Variants in ENTREP2 observed in about 807,000 individuals in gnomAD.
ENTREP2 encodes protein ENTREP2.
the ENTREP2 span, among the ~76,000 whole-genome samples, chr15:29,656,820 C>T: frequency 3.9e-5 from 6 of 152,106 alleles, no homozygotes; most frequent in Admixed American, 6.6e-5. Context: ...ATGTACTTAC[C>T]CTATGACCCT....
the ENTREP2 span, among the ~76,000 whole-genome samples, chr15:29,231,639 C>G: frequency 3.3e-5 from 5 of 151,970 alleles, no homozygotes; most frequent in African/African-American, 1.2e-4. Context: ...TAGTTATAAA[C>G]AGTAGTCTAA....
the ENTREP2 span, among the ~76,000 whole-genome samples, chr15:29,600,199 T>G: frequency 1.8e-4 from 28 of 152,246 alleles, no homozygotes; most frequent in East Asian, 3.3e-3. Flanking sequence ...AAACACTTTT[T>G]AGGCACACAC....
the ENTREP2 span, among the ~76,000 whole-genome samples, chr15:29,396,352 G>C: frequency 1.3e-5 from 2 of 151,360 alleles, no homozygotes; most frequent in Non-Finnish European, 2.9e-5. Context: ...GGACAAGTGA[G>C]ATTATTCAGT....
At chr15:29,604,914 C>T in the ENTREP2 span, among the ~76,000 whole-genome samples, 1 of 152,114 alleles carries the variant, frequency 6.6e-6, no homozygotes, top group Non-Finnish European at 1.5e-5. Context: ...AAGGTGGGCA[C>T]CTGCAGGTGG....
At chr15:29,329,970 G>A in the ENTREP2 span, among the ~76,000 whole-genome samples, 2 of 152,170 alleles carry the variant, frequency 1.3e-5, no homozygotes, top group Non-Finnish European at 1.5e-5. Flanking sequence ...CTCCTTAAGT[G>A]GAGGCTGCAC....
chr15:29,594,838 G>C, the ENTREP2 span, among the ~76,000 whole-genome samples: 1 of 151,690 alleles, frequency 6.6e-6, no homozygotes, highest in Non-Finnish European at 1.5e-5. Context: ...AGGCCGAGGC[G>C]GGCGGATCAC....
chr15:29,241,055 C>G, the ENTREP2 span, among the ~76,000 whole-genome samples: 1 of 152,120 alleles, frequency 6.6e-6, no homozygotes, highest in African/African-American at 2.4e-5. Context: ...GTTTCTGTGA[C>G]AATGCTAAGT....
the ENTREP2 span, among the ~76,000 whole-genome samples, chr15:29,469,714 T>A: frequency 3.5e-4 from 53 of 152,348 alleles, no homozygotes; most frequent in African/African-American, 1.3e-3. Flanking sequence ...CACTTCAACA[T>A]GGTTAAGAGG....
chr15:29,175,667 C>T, the ENTREP2 span, among the ~76,000 whole-genome samples: 33 of 152,328 alleles, frequency 2.2e-4, no homozygotes, highest in South Asian at 5.2e-3. Flanking sequence ...TGCAGTGGCA[C>T]GATCTCGGCT....
the ENTREP2 span, among the ~76,000 whole-genome samples, chr15:29,543,693 C>T: frequency 1.3e-5 from 2 of 151,774 alleles, no homozygotes; most frequent in African/African-American, 4.8e-5. Flanking sequence ...GCAGGAGAAT[C>T]GCTTGAACCT....
the ENTREP2 span, among the ~76,000 whole-genome samples, chr15:29,667,564 G>T: frequency 7.0e-6 from 1 of 143,260 alleles, no homozygotes; most frequent in Non-Finnish European, 1.5e-5. Flanking sequence ...TGTGGTCTCA[G>T]CTCACTGCAA....
the ENTREP2 span, among the ~76,000 whole-genome samples, chr15:29,432,330 C>G: frequency 2.6e-5 from 4 of 152,312 alleles, no homozygotes; most frequent in East Asian, 7.7e-4. Context: ...CTGCCCCGCA[C>G]GCCTGCCATG....
chr15:29,328,353 C>T, the ENTREP2 span, among the ~76,000 whole-genome samples: 1 of 152,250 alleles, frequency 6.6e-6, no homozygotes, highest in East Asian at 1.9e-4. Flanking sequence ...ATTGTGGATA[C>T]ATGACTATGC....
the ENTREP2 span, among the ~76,000 whole-genome samples, chr15:29,330,657 G>A: frequency 1.3e-5 from 2 of 152,142 alleles, no homozygotes; most frequent in Admixed American, 6.5e-5. Flanking sequence ...ACATGGCGAC[G>A]AAACGTGATG....
the ENTREP2 span, among the ~76,000 whole-genome samples, chr15:29,475,278 T>TGC: frequency 6.6e-6 from 1 of 152,096 alleles, no homozygotes; most frequent in Non-Finnish European, 1.5e-5. Context: ...AGGCTGCATC[T>TGC]GCGCACGCTC....
the ENTREP2 span, among the ~76,000 whole-genome samples, chr15:29,429,158 T>TCCAC: frequency 6.6e-6 from 1 of 151,124 alleles, no homozygotes; most frequent in East Asian, 2.0e-4. Context: ...TATCTGTCCA[T>TCCAC]CCATCCATCC....
At chr15:29,251,877 A>T in the ENTREP2 span, among the ~76,000 whole-genome samples, 2 of 152,102 alleles carry the variant, frequency 1.3e-5, no homozygotes, top group East Asian at 3.9e-4. Context: ...TACAATGTAC[A>T]TAGCACACTG....
At chr15:29,484,872 A>C in the ENTREP2 span, among the ~76,000 whole-genome samples, 5 of 152,210 alleles carry the variant, frequency 3.3e-5, no homozygotes, top group Non-Finnish European at 7.3e-5. Flanking sequence ...TAAATACAGA[A>C]TATGAACTAA....
At chr15:29,407,277 C>G in the ENTREP2 span, among the ~76,000 whole-genome samples, 1 of 152,158 alleles carries the variant, frequency 6.6e-6, no homozygotes, top group Non-Finnish European at 1.5e-5. Context: ...CACATCTCAA[C>G]ATAATAACGG....
Sources: gnomAD v4.1 joint callset for allele counts (sites outside exome capture counted in the v4.1 genomes callset) on GRCh38, gnomAD v4.1.1 for gene constraint, MANE v1.5 for transcripts, NCBI Gene and HGNC (gene_info 2026-07-23, HGNC 2026-07-21) for gene names.